UBE2E2: variants seen among roughly 807,000 people sequenced by gnomAD.
UBE2E2 encodes the protein ubiquitin-conjugating enzyme E2 E2.
A neutral mutation model predicts 24.7 loss-of-function variants in UBE2E2; 6 were observed. The observed-to-expected ratio is 0.24, with a 90% CI of 0.13 to 0.48. UBE2E2 has a LOEUF of 0.48. UBE2E2 is among the 20% of genes least tolerant of loss of function. UBE2E2 has a pLI of 0.99. For missense variants in UBE2E2, 169 were observed against 245.0 expected (o/e 0.69, Z 2.07); for synonymous variants, 104 against 83.6 (o/e 1.24, Z -1.33).
chr3:23,589,513 T>C lies in UBE2E2; in HGVS notation c.509-221T>C, dbSNP rs2125524345. On this transcript the variant is annotated intron_variant, in intron 5 of 5. Coordinates refer to ENST00000396703, the MANE Select transcript of UBE2E2 (RefSeq NM_152653.4). The surrounding 1 kb of genome is among the most constrained non-coding windows in gnomAD (Gnocchi z 4.1). ...AGAGAATAAGACTTGTCAAGAAATA[T>C]GACAAGAGCTATCAGTAAAATACAG... Among the ~76,000 whole-genome samples the C allele has an allele frequency of 6.6e-6, 1 of 151,914 alleles. No homozygotes were observed.
intron 3 of UBE2E2, among the ~76,000 whole-genome samples, chr3:23,418,167 A>C (rs1451747029): frequency 6.6e-6 from 1 of 152,080 alleles, no homozygotes; most frequent in Non-Finnish European, 1.5e-5. Flanking sequence ...TTGTACTTGA[A>C]ACCCACGGCC....
chr3:23,365,719 T>C (rs1360603341), intron 3 of UBE2E2, among the ~76,000 whole-genome samples: 1 of 152,164 alleles, frequency 6.6e-6, no homozygotes, highest in Non-Finnish European at 1.5e-5. Context: ...GTGCCATTCC[T>C]ATCAAACTAC....
intron 3 of UBE2E2, among the ~76,000 whole-genome samples, chr3:23,242,348 T>C (rs1286057805): frequency 6.6e-6 from 1 of 151,806 alleles, no homozygotes; most frequent in African/African-American, 2.4e-5. Context: ...AGGTGAGGTG[T>C]GAGTCACATC....
At chr3:23,234,002 C>T (rs1697034932) in intron 3 of UBE2E2, among the ~76,000 whole-genome samples, 2 of 152,094 alleles carry the variant, frequency 1.3e-5, no homozygotes, top group South Asian at 2.1e-4. Context: ...TGTCAATTAT[C>T]CTAAATTGAT....
intron 3 of UBE2E2, among the ~76,000 whole-genome samples, chr3:23,473,049 T>C (rs758529758): frequency 2.0e-5 from 3 of 152,026 alleles, no homozygotes; most frequent in Non-Finnish European, 4.4e-5. Flanking sequence ...TTTAAAAATA[T>C]TATCCTGAGA....
chr3:23,359,209 T>C (rs1232037143), intron 3 of UBE2E2, among the ~76,000 whole-genome samples: 1 of 152,178 alleles, frequency 6.6e-6, no homozygotes, highest in Non-Finnish European at 1.5e-5. Flanking sequence ...TTCAGGATCA[T>C]TTCCCTACTC....
intron 3 of UBE2E2, among the ~76,000 whole-genome samples, chr3:23,437,737 C>T (rs570650300): frequency 6.6e-6 from 1 of 152,190 alleles, no homozygotes; most frequent in Non-Finnish European, 1.5e-5. Flanking sequence ...CTTTGGATTT[C>T]TACGTCCTTT....
chr3:23,203,290 G>A, upstream of UBE2E2: 1 of 987,560 alleles, frequency 1.0e-6, no homozygotes, highest in Non-Finnish European at 1.2e-6. Context: ...CGAGCGCGGC[G>A]GGGACAGGCG....
At chr3:23,311,990 G>T (rs1365914342) in intron 3 of UBE2E2, among the ~76,000 whole-genome samples, 4 of 152,132 alleles carry the variant, frequency 2.6e-5, no homozygotes, top group Non-Finnish European at 2.9e-5. Context: ...ATGGGGAGTG[G>T]TTTCTCATGA....
intron 5 of UBE2E2, among the ~76,000 whole-genome samples, chr3:23,586,121 A>G (rs888109790): frequency 6.6e-5 from 10 of 152,214 alleles, no homozygotes; most frequent in African/African-American, 2.4e-4. Context: ...TATGTGCAGC[A>G]TATGAAAAAG....
intron 3 of UBE2E2, among the ~76,000 whole-genome samples, chr3:23,491,599 T>C (rs1699497394): frequency 6.6e-6 from 1 of 152,078 alleles, no homozygotes; most frequent in African/African-American, 2.4e-5. Context: ...TCCAGTATGA[T>C]TGGAGTAATA....
chr3:23,380,031 CTG>C (rs1311694875), intron 3 of UBE2E2, among the ~76,000 whole-genome samples: 6 of 144,642 alleles, frequency 4.1e-5, no homozygotes, highest in African/African-American at 1.3e-4. Context: ...AGAGCTAAAA[CTG>C]TTACTTTACC....
chr3:23,251,680 A>G (rs1697578027), intron 3 of UBE2E2, among the ~76,000 whole-genome samples: 1 of 152,354 alleles, frequency 6.6e-6, no homozygotes, highest in African/African-American at 2.4e-5. Flanking sequence ...AACATATTCA[A>G]ACCATAAAGC....
chr3:23,550,326 C>G (rs894876821), intron 5 of UBE2E2, among the ~76,000 whole-genome samples: 1 of 152,128 alleles, frequency 6.6e-6, no homozygotes, highest in Admixed American at 6.5e-5. Flanking sequence ...CCTATGCAAC[C>G]CCATGTGGCC....
intron 3 of UBE2E2, among the ~76,000 whole-genome samples, chr3:23,329,423 G>A (rs9848331): frequency 0.81 from 123,670 of 152,236 alleles, 50,442 homozygotes; most frequent in African/African-American, 0.89. Flanking sequence ...ATATTTTGCC[G>A]AAGTATCAAG....
chr3:23,487,543 A>G (rs1404859598), intron 3 of UBE2E2, among the ~76,000 whole-genome samples: 1 of 152,216 alleles, frequency 6.6e-6, no homozygotes, highest in East Asian at 1.9e-4. Flanking sequence ...CGCCATCAAT[A>G]GTATAAACTT....
intron 3 of UBE2E2, among the ~76,000 whole-genome samples, chr3:23,459,325 C>T (rs902148208): frequency 6.6e-6 from 1 of 152,162 alleles, no homozygotes; most frequent in African/African-American, 2.4e-5. Flanking sequence ...TTCTCATTGA[C>T]AAGGCAGATG....
At chr3:23,497,691 TTTTC>T (rs1699633916) in intron 3 of UBE2E2, among the ~76,000 whole-genome samples, 1 of 152,192 alleles carries the variant, frequency 6.6e-6, no homozygotes, top group Non-Finnish European at 1.5e-5. Context: ...TGACGTTCCT[TTTTC>T]TTAATTTTTC....
chr3:23,317,961 A>G (rs1347404986), intron 3 of UBE2E2, among the ~76,000 whole-genome samples: 1 of 151,014 alleles, frequency 6.6e-6, no homozygotes, highest in Non-Finnish European at 1.5e-5. Context: ...TTGTGTAGAT[A>G]GTTGTTAAAT....
Sources: allele counts gnomAD v4.1 joint callset (sites outside exome capture counted in the v4.1 genomes callset), GRCh38; gene constraint gnomAD v4.1.1; non-coding constraint Gnocchi (gnomAD v3.1); transcripts MANE v1.5; gene names NCBI Gene and HGNC (gene_info 2026-07-23, HGNC 2026-07-21).